Variants in NXPH1 observed in about 807,000 individuals in gnomAD.
The protein encoded by NXPH1 is neurexophilin-1.
NXPH1 carries 5 observed loss-of-function variants against 23.7 expected under a neutral mutation model. The observed-to-expected ratio is 0.21, with a 90% confidence interval of 0.11 to 0.44. NXPH1 has a LOEUF of 0.44. Among genes scored for constraint, NXPH1 ranks in the 20% least tolerant of loss-of-function variants. The pLI, the probability that NXPH1 is intolerant of heterozygous loss-of-function variation, is 0.99. For synonymous variants in NXPH1, 144 were observed against 122.2 expected (o/e 1.18, Z -1.18); for missense variants, 324 against 321.6 (o/e 1.01, Z -0.06).
At chr7:8,534,350 T>A (rs548936091) in intron 2 of NXPH1, among the ~76,000 whole-genome samples, 1 of 152,212 alleles carries the variant, frequency 6.6e-6, no homozygotes, top group South Asian at 2.1e-4. Context: ...TACTAAATTT[T>A]AAAAAATAGC....
intron 2 of NXPH1, among the ~76,000 whole-genome samples, chr7:8,708,353 T>A (rs1245285023): frequency 1.3e-5 from 2 of 152,158 alleles, no homozygotes; most frequent in African/African-American, 4.8e-5. Context: ...TTTTCTTTTT[T>A]ATTTTTTTAA....
At chr7:8,478,644 G>A (rs930945285) in intron 2 of NXPH1, among the ~76,000 whole-genome samples, 4 of 152,002 alleles carry the variant, frequency 2.6e-5, no homozygotes, top group African/African-American at 9.7e-5. Context: ...AAACTACATA[G>A]TGAAATATGT....
At chr7:8,725,567 A>G (rs1202299395) in intron 2 of NXPH1, among the ~76,000 whole-genome samples, 1 of 152,144 alleles carries the variant, frequency 6.6e-6, no homozygotes, top group Non-Finnish European at 1.5e-5. Context: ...TGCTCTGGCC[A>G]AGGCATGATT....
At chr7:8,529,417 G>A (rs1476864313) in intron 2 of NXPH1, among the ~76,000 whole-genome samples, 2 of 152,140 alleles carry the variant, frequency 1.3e-5, no homozygotes, top group Non-Finnish European at 2.9e-5. Context: ...AAGGTAAAAG[G>A]ACATATGATT....
At chr7:8,655,402 C>G (rs12535626) in intron 2 of NXPH1, among the ~76,000 whole-genome samples, 79 of 2,940 alleles carry the variant, frequency 0.027, 3 homozygotes, top group East Asian at 0.5. Context: ...CTTTGTCTTT[C>G]TCTCTCTCTC....
chr7:8,474,414 T>G (rs1816932264), intron 2 of NXPH1, among the ~76,000 whole-genome samples: 1 of 152,124 alleles, frequency 6.6e-6, no homozygotes, highest in Admixed American at 6.6e-5. Context: ...AGTCTAAAAA[T>G]GAAGATAATC....
chr7:8,750,870 G>A (rs955699693), intron 2 of NXPH1, 138 bp from the exon 3 acceptor site: 9 of 766,072 alleles, frequency 1.2e-5, no homozygotes, highest in South Asian at 1.9e-5. Flanking sequence ...TCTGCTTTGG[G>A]TGTTCTTCTC....
intron 2 of NXPH1, among the ~76,000 whole-genome samples, chr7:8,525,816 G>A (rs960140907): frequency 1.3e-5 from 2 of 152,234 alleles, no homozygotes; most frequent in Admixed American, 6.5e-5. Context: ...TTCAGAATGT[G>A]TATGGAAATG....
rs527971479 is a variant in NXPH1, at chr7:8,454,598, C to CT, written c.54+18834dup. Among the ~76,000 whole-genome samples, 18 of 152,220 alleles carry CT rather than the reference C, an allele frequency of 1.2e-4. No homozygotes were observed. The South Asian group carries it at 3.5e-3, about 30-fold the overall frequency. On this transcript the variant is annotated intron_variant, in intron 2 of 2. Coordinates refer to ENST00000405863, the MANE Select transcript of NXPH1 (RefSeq NM_152745.3). ...TGACATGCATTGGCCATTAGCCACT[C>CT]TTTCTGGCCCCCACCGTATCTTTCC...
intron 2 of NXPH1, among the ~76,000 whole-genome samples, chr7:8,481,718 G>T (rs1184107429): frequency 6.6e-6 from 1 of 152,042 alleles, no homozygotes; most frequent in Non-Finnish European, 1.5e-5. Flanking sequence ...GCATATGCAG[G>T]TTTGTTACCT....
chr7:8,511,372 GA>G (rs2128614001), intron 2 of NXPH1, among the ~76,000 whole-genome samples: 2 of 152,182 alleles, frequency 1.3e-5, no homozygotes, highest in African/African-American at 4.8e-5. Flanking sequence ...TCTGCATGTG[GA>G]ACCTGTCCTG....
chr7:8,531,531 C>G (rs558149964), intron 2 of NXPH1, among the ~76,000 whole-genome samples: 1 of 152,150 alleles, frequency 6.6e-6, no homozygotes, highest in Non-Finnish European at 1.5e-5. Flanking sequence ...ACTCTCTATT[C>G]TCTATCTTGC....
intron 2 of NXPH1, among the ~76,000 whole-genome samples, chr7:8,439,322 A>G (rs1321818760): frequency 1.3e-5 from 2 of 152,156 alleles, no homozygotes; most frequent in Non-Finnish European, 2.9e-5. Flanking sequence ...GATCAAGTAG[A>G]AGGATAGGCC....
At chr7:8,740,531 T>A (rs1328924147) in intron 2 of NXPH1, among the ~76,000 whole-genome samples, 1 of 152,220 alleles carries the variant, frequency 6.6e-6, no homozygotes, top group African/African-American at 2.4e-5. Context: ...CTATGATCTC[T>A]GACTGCAAAG....
At position 8,583,354 on chromosome 7, in the gene NXPH1, G is replaced by A. The variant is rs80102716; in HGVS notation, c.54+147587G>A. ...TGGCACAGCCATTTATTAGCTATGTGACCTTAGGCAAGTTACATGGCCTCT... is the reference window on the plus strand; with the variant it reads ...TGGCACAGCCATTTATTAGCTATGTAACCTTAGGCAAGTTACATGGCCTCT... On this transcript the variant is annotated intron_variant, in intron 2 of 2. Transcript: ENST00000405863. 0.011 allele frequency among the ~76,000 whole-genome samples: 1,602 copies of A among 152,276 alleles called. 87 individuals carry two copies. The East Asian group carries it at 0.14, about 13-fold the overall frequency.
chr7:8,449,687 C>G (rs978550663), intron 2 of NXPH1, among the ~76,000 whole-genome samples: 17 of 152,148 alleles, frequency 1.1e-4, no homozygotes, highest in Admixed American at 5.2e-4. Context: ...ATCATTAACC[C>G]ATGTTATGTT....
chr7:8,582,358 G>A (rs1818895718), intron 2 of NXPH1, among the ~76,000 whole-genome samples: 1 of 152,182 alleles, frequency 6.6e-6, no homozygotes, highest in Non-Finnish European at 1.5e-5. Context: ...CAGGTCCTGA[G>A]TTCTTGTCCT....
intron 2 of NXPH1, among the ~76,000 whole-genome samples, chr7:8,481,224 G>C (rs1303039070): frequency 6.6e-6 from 1 of 152,168 alleles, no homozygotes; most frequent in Non-Finnish European, 1.5e-5. Flanking sequence ...AACTCATATA[G>C]AAGAAGCTGC....
At chr7:8,627,156 A>G (rs1227814563) in intron 2 of NXPH1, among the ~76,000 whole-genome samples, 1 of 152,170 alleles carries the variant, frequency 6.6e-6, no homozygotes, top group South Asian at 2.1e-4. Context: ...ACTTGGAAGA[A>G]GAAAAAGATT....
Sources: gnomAD v4.1 joint callset for allele counts (sites outside exome capture counted in the v4.1 genomes callset) on GRCh38, gnomAD v4.1.1 for gene constraint, MANE v1.5 for transcripts, NCBI Gene and HGNC (gene_info 2026-07-23, HGNC 2026-07-21) for gene names.